The following NXPE2 variants were observed in gnomAD, a reference collection of about 807,000 sequenced individuals.
NXPE2 encodes neurexophilin and PC-esterase domain family member 2, also known as NXPE family member 2.
A neutral mutation model predicts 34.4 loss-of-function variants in NXPE2; 34 were observed. The observed-to-expected ratio is 0.99, with a 90% CI of 0.75 to 1.31. The LOEUF is 1.31. NXPE2 is among the 40% of genes most tolerant of loss of function. The pLI, the probability that NXPE2 is intolerant of heterozygous loss-of-function variation, is 0.00. For synonymous variants in NXPE2, 235 were observed against 231.3 expected, an observed-to-expected ratio of 1.02 and a Z score of -0.15; for missense variants, 649 against 672.5, an observed-to-expected ratio of 0.97 and a Z score of 0.39.
chr11:114,699,270 C>A (rs573748047), intron 3 of NXPE2, among the ~76,000 whole-genome samples: 101 of 152,286 alleles, frequency 6.6e-4, no homozygotes, highest in African/African-American at 2.4e-3. Context: ...CTTGTATAAC[C>A]TGCCATCATA....
intron 2 of NXPE2, among the ~76,000 whole-genome samples, chr11:114,690,608 A>G (rs1951131805): frequency 6.6e-6 from 1 of 152,058 alleles, no homozygotes; most frequent in Admixed American, 6.6e-5. Flanking sequence ...ATCTCATCAA[A>G]GTTCTCTGGG....
the NXPE2 span, among the ~76,000 whole-genome samples, chr11:114,512,528 C>A: frequency 4.5e-4 from 68 of 152,200 alleles, no homozygotes; most frequent in Admixed American, 2.1e-3. Context: ...TCGCGACAGT[C>A]GGGAGCCATC....
chr11:114,531,495 C>T, the NXPE2 span, among the ~76,000 whole-genome samples: 7 of 152,166 alleles, frequency 4.6e-5, no homozygotes, highest in Non-Finnish European at 8.8e-5. Context: ...TCTTCTGTTG[C>T]TAAACCAGTC....
chr11:114,550,154 A>C, the NXPE2 span, among the ~76,000 whole-genome samples: 1 of 152,170 alleles, frequency 6.6e-6, no homozygotes, highest in East Asian at 1.9e-4. Flanking sequence ...GTTAACTTAT[A>C]CATTTAATAA....
chr11:114,697,164 C>G (rs985594744), intron 2 of NXPE2, among the ~76,000 whole-genome samples: 2 of 152,122 alleles, frequency 1.3e-5, no homozygotes, highest in Non-Finnish European at 2.9e-5. Context: ...TAGAAAAACA[C>G]TCTTTGATGA....
the NXPE2 span, among the ~76,000 whole-genome samples, chr11:114,645,327 A>T: frequency 6.6e-6 from 1 of 152,018 alleles, no homozygotes; most frequent in Non-Finnish European, 1.5e-5. Context: ...AAATAAAAAA[A>T]CCCAGTCCCC....
chr11:114,667,270 A>G, the NXPE2 span, among the ~76,000 whole-genome samples: 2 of 152,154 alleles, frequency 1.3e-5, no homozygotes, highest in Non-Finnish European at 2.9e-5. Flanking sequence ...GGAAGTTGAG[A>G]AAGAGTAACA....
chr11:114,628,853 C>A, the NXPE2 span, among the ~76,000 whole-genome samples: 5 of 151,730 alleles, frequency 3.3e-5, no homozygotes, highest in East Asian at 5.8e-4. Flanking sequence ...ACCACCGATC[C>A]CACAGAAATA....
At chr11:114,727,818 T>C in the NXPE2 span, among the ~76,000 whole-genome samples, 244 of 68,218 alleles carry the variant, frequency 3.6e-3, 2 homozygotes, top group Non-Finnish European at 5.9e-3. Flanking sequence ...CACACACACA[T>C]ATCTTTCCCC....
chr11:114,478,752 T>C, the NXPE2 span, among the ~76,000 whole-genome samples: 1 of 152,202 alleles, frequency 6.6e-6, no homozygotes, highest in African/African-American at 2.4e-5. Context: ...CATTTTTAGG[T>C]AAGTTTAACC....
chr11:114,777,407 C>T, the NXPE2 span, among the ~76,000 whole-genome samples: 1 of 152,242 alleles, frequency 6.6e-6, no homozygotes, highest in African/African-American at 2.4e-5. Context: ...GAACTAGAAG[C>T]CTGGTTGGGA....
the NXPE2 span, among the ~76,000 whole-genome samples, chr11:114,778,843 C>A: frequency 6.6e-6 from 1 of 152,164 alleles, no homozygotes; most frequent in East Asian, 1.9e-4. Flanking sequence ...CCATCTCAGG[C>A]CTTCACTTTA....
At chr11:114,614,694 C>A in the NXPE2 span, among the ~76,000 whole-genome samples, 2 of 151,700 alleles carry the variant, frequency 1.3e-5, no homozygotes, top group Admixed American at 6.6e-5. Flanking sequence ...TCGTGGGTAA[C>A]CACTGTTACC....
the NXPE2 span, among the ~76,000 whole-genome samples, chr11:114,577,002 TATAAAGTTATATATATATATATATAC>T: frequency 2.1e-4 from 8 of 37,598 alleles, no homozygotes; most frequent in East Asian, 6.9e-3. Context: ...CATATATATA[TATAAAGTTATATATATATATATATAC>T]ATATATATAT....
chr11:114,573,572 A>G, the NXPE2 span, among the ~76,000 whole-genome samples: 2 of 152,162 alleles, frequency 1.3e-5, no homozygotes, highest in Non-Finnish European at 2.9e-5. Context: ...AGCAATTCTT[A>G]TATCAGACAA....
the NXPE2 span, among the ~76,000 whole-genome samples, chr11:114,784,128 G>A: frequency 6.8e-3 from 1,031 of 152,272 alleles, 14 homozygotes; most frequent in African/African-American, 0.022. Context: ...ATGAGCCCTG[G>A]CTTCTAACTA....
chr11:114,706,806 T>C lies in NXPE2; in HGVS notation c.1556T>C (p.Val519Ala), dbSNP rs1287637612. Residue 519 changes from valine to alanine, a missense_variant, in exon 6 of 6, where the codon GTG becomes GCG. Coordinates refer to ENST00000389586, the MANE Select transcript of NXPE2 (RefSeq NM_182495.6). The part of the protein sequence containing the change: ...IQNLIIRDIF[V>A]DLNVGIIDAW... ...AATCTTATCATAAGAGATATTTTTG[T>C]GGATCTTAATGTGGGTATTATTGAT... is the stretch of plus-strand genomic sequence containing the variant. The C allele has an allele frequency of 6.4e-7, 1 of 1,552,238 alleles. No homozygotes were observed. Among genetic ancestry groups the C allele is most frequent in the East Asian group, 2.4e-5 (1 of 41,076 alleles).
At chr11:114,689,997 C>T (rs1951120921) in intron 2 of NXPE2, among the ~76,000 whole-genome samples, 1 of 152,092 alleles carries the variant, frequency 6.6e-6, no homozygotes, top group Non-Finnish European at 1.5e-5. Flanking sequence ...TGAGATGAAT[C>T]TCCTGAAGAC....
At chr11:114,466,311 G>T in the NXPE2 span, among the ~76,000 whole-genome samples, 6 of 152,094 alleles carry the variant, frequency 3.9e-5, 1 homozygote, top group African/African-American at 1.2e-4. Flanking sequence ...TTAATATCTC[G>T]ATATTTGAAA....
Sources: gnomAD v4.1 joint callset for allele counts (sites outside exome capture counted in the v4.1 genomes callset) on GRCh38, gnomAD v4.1.1 for gene constraint, MANE v1.5 for transcripts, NCBI Gene and HGNC (gene_info 2026-07-23, HGNC 2026-07-21) for gene names.